Variants in KIF26B observed in about 807,000 individuals in gnomAD.
KIF26B encodes kinesin-like protein KIF26B.
In KIF26B, 63 loss-of-function variants were observed where a neutral mutation model predicts 151.2. The ratio of observed to expected loss-of-function variants is 0.42; its 90% confidence interval spans 0.34 to 0.51. The LOEUF (loss-of-function observed/expected upper bound fraction) is 0.51. Among genes scored for constraint, KIF26B ranks in the 20% least tolerant of loss-of-function variants. KIF26B has a pLI of 0.07. For synonymous variants in KIF26B, 1,357 were observed against 1,262.1 expected (o/e 1.08, Z -1.59); for missense variants, 2,813 against 2,913.6 (o/e 0.97, Z 0.79).
At chr1:245,575,226 G>A (rs992180302) in intron 5 of KIF26B, among the ~76,000 whole-genome samples, 201 of 151,858 alleles carry the variant, frequency 1.3e-3, no homozygotes, top group African/African-American at 4.6e-3. Context: ...TGTAATCCCA[G>A]CACTTTGGGA....
chr1:245,656,381 T>C (rs553221565), intron 10 of KIF26B, among the ~76,000 whole-genome samples: 6 of 152,338 alleles, frequency 3.9e-5, no homozygotes, highest in African/African-American at 1.4e-4. Context: ...TTCACACCTG[T>C]TCTGTCATTC....
chr1:245,668,696 C>CT (rs11388815), intron 10 of KIF26B, among the ~76,000 whole-genome samples: 1,664 of 143,404 alleles, frequency 0.012, 38 homozygotes, highest in African/African-American at 0.047. Context: ...CTTTTCTTTT[C>CT]TTTTCTTTTT....
rs190251231 is a variant in KIF26B, at chr1:245,593,985, T to C, written c.1351-8592T>C. Among the ~76,000 whole-genome samples the C allele has an allele frequency of 2.9e-3, 448 of 152,370 alleles. 1 individual carries two copies. Among genetic ancestry groups the C allele is most frequent in the African/African-American group, 0.01 (417 of 41,596 alleles). On this transcript the variant is annotated intron_variant, in intron 5 of 14. Coordinates refer to ENST00000407071, the MANE Select transcript of KIF26B (RefSeq NM_018012.4). The stretch of plus-strand genomic sequence containing the variant: ...TAAATGTTTTCTTTTGAGAAGTGTC[T>C]GTTCATATCCTTCTCCCGCTTTTTG...
intron 2 of KIF26B, among the ~76,000 whole-genome samples, chr1:245,205,489 G>A (rs1431430015): frequency 6.6e-6 from 1 of 152,010 alleles, no homozygotes; most frequent in Non-Finnish European, 1.5e-5. Flanking sequence ...TGCTCAACCA[G>A]CAACACTAAT....
At position 245,227,396 on chromosome 1, in the gene KIF26B, G is replaced by A. The variant is rs2103552618; in HGVS notation, c.465+70713G>A. Among the ~76,000 whole-genome samples, 1 of 152,312 alleles carries A rather than the reference G, an allele frequency of 6.6e-6. No individual in the cohort carries two copies. Among genetic ancestry groups the A allele is most frequent in the Non-Finnish European group, 1.5e-5 (1 of 68,032 alleles). Reference sequence around the variant, plus strand: ...AGCCAGTGTAACATGGAAACCCACTGGCACCTCTGCATCTGGGCCTAAGGC... The same window carrying A: ...AGCCAGTGTAACATGGAAACCCACTAGCACCTCTGCATCTGGGCCTAAGGC... On this transcript the variant is annotated intron_variant, in intron 2 of 14. Coordinates refer to ENST00000407071, the MANE Select transcript of KIF26B (RefSeq NM_018012.4). The surrounding 1 kb of genome is among the most constrained non-coding windows in gnomAD (Gnocchi z 4.1).
At chr1:245,270,301 A>T (rs117898141) in intron 2 of KIF26B, among the ~76,000 whole-genome samples, 14 of 35,036 alleles carry the variant, frequency 4.0e-4, no homozygotes, top group Admixed American at 1.6e-3. Context: ...CTTCCCTTCC[A>T]TCTTCCCTTC....
chr1:245,314,344 C>A (rs546022414), intron 2 of KIF26B, among the ~76,000 whole-genome samples: 5 of 152,076 alleles, frequency 3.3e-5, no homozygotes, highest in Admixed American at 6.5e-5. Flanking sequence ...CCCAGCTACT[C>A]GGGAGGCCGA....
At chr1:245,668,919 G>A (rs75562028) in intron 10 of KIF26B, among the ~76,000 whole-genome samples, 12,686 of 152,014 alleles carry the variant, frequency 0.083, 982 homozygotes, top group East Asian at 0.39. Flanking sequence ...GCGAACTCCC[G>A]ACCTCAGGTG....
chr1:245,543,317 A>T (rs891991706), intron 5 of KIF26B, among the ~76,000 whole-genome samples: 5 of 152,238 alleles, frequency 3.3e-5, no homozygotes, highest in African/African-American at 9.6e-5. Context: ...ATGATGTACC[A>T]TATGTAGTGA....
intron 3 of KIF26B, among the ~76,000 whole-genome samples, chr1:245,396,405 A>T (rs972432707): frequency 6.6e-6 from 1 of 152,216 alleles, no homozygotes; most frequent in African/African-American, 2.4e-5. Flanking sequence ...ATAATCACTC[A>T]AAACTGTGTC....
At chr1:245,258,033 T>C (rs1053489275) in intron 2 of KIF26B, among the ~76,000 whole-genome samples, 3 of 149,926 alleles carry the variant, frequency 2.0e-5, no homozygotes, top group African/African-American at 4.9e-5. Flanking sequence ...AAAAAAAAAA[T>C]GTTGCTCAGA....
intron 4 of KIF26B, among the ~76,000 whole-genome samples, chr1:245,472,999 G>A (rs1659948134): frequency 6.6e-6 from 1 of 152,242 alleles, no homozygotes; most frequent in Non-Finnish European, 1.5e-5. Flanking sequence ...TTTCTGTGTA[G>A]ACAGCAGTGT....
At chr1:245,571,715 T>G (rs1318141253) in intron 5 of KIF26B, among the ~76,000 whole-genome samples, 1 of 152,216 alleles carries the variant, frequency 6.6e-6, no homozygotes, top group Non-Finnish European at 1.5e-5. Flanking sequence ...CGCTTTTGTT[T>G]CTCAAAGGTT....
chr1:245,482,557 G>C (rs924390273), intron 4 of KIF26B, among the ~76,000 whole-genome samples: 4 of 151,682 alleles, frequency 2.6e-5, no homozygotes, highest in African/African-American at 9.7e-5. Flanking sequence ...GCTGCCCGAG[G>C]GTACCCTGCT....
intron 2 of KIF26B, among the ~76,000 whole-genome samples, chr1:245,230,045 A>G (rs1669960059): frequency 6.6e-6 from 1 of 151,970 alleles, no homozygotes; most frequent in Admixed American, 6.6e-5. Flanking sequence ...AGGCAGGAGA[A>G]TCGCTTGAAC....
intron 5 of KIF26B, among the ~76,000 whole-genome samples, chr1:245,583,454 C>T (rs1184985155): frequency 6.6e-6 from 1 of 152,194 alleles, no homozygotes; most frequent in Non-Finnish European, 1.5e-5. Flanking sequence ...GAGCTGCCTG[C>T]CACCATCAGT....
At chr1:245,390,042 G>A (rs1199339299) in intron 3 of KIF26B, among the ~76,000 whole-genome samples, 2 of 152,130 alleles carry the variant, frequency 1.3e-5, no homozygotes, top group African/African-American at 4.8e-5. Context: ...TTTTTACGGT[G>A]TTGACATTTG....
At chr1:245,533,240 G>A (rs1429564310) in intron 4 of KIF26B, among the ~76,000 whole-genome samples, 2 of 152,122 alleles carry the variant, frequency 1.3e-5, no homozygotes, top group African/African-American at 4.8e-5. Flanking sequence ...ACATGAAATG[G>A]CAGCCTGGAT....
intron 5 of KIF26B, among the ~76,000 whole-genome samples, chr1:245,565,042 C>G (rs947309255): frequency 6.6e-6 from 1 of 152,082 alleles, no homozygotes; most frequent in South Asian, 2.1e-4. Flanking sequence ...AAATTTGTTA[C>G]GTAGGGATCA....
Sources: allele counts gnomAD v4.1 joint callset (sites outside exome capture counted in the v4.1 genomes callset), GRCh38; gene constraint gnomAD v4.1.1; non-coding constraint Gnocchi (gnomAD v3.1); transcripts MANE v1.5; gene names NCBI Gene and HGNC (gene_info 2026-07-23, HGNC 2026-07-21).